SERPINI1: variants seen among roughly 807,000 people sequenced by gnomAD.
SERPINI1 encodes the protein neuroserpin.
Under a neutral mutation model 41.1 loss-of-function variants are expected in SERPINI1, and 19 were observed. That is an observed-to-expected ratio of 0.46 (90% CI 0.32 to 0.68). The LOEUF (loss-of-function observed/expected upper bound fraction) is 0.68. Among genes scored for constraint, SERPINI1 ranks in the 30% least tolerant of loss-of-function variants. SERPINI1 has a pLI of 0.03. For missense variants in SERPINI1, 460 were observed against 479.2 expected, an observed-to-expected ratio of 0.96 and a Z score of 0.37; for synonymous variants, 138 against 156.6, an observed-to-expected ratio of 0.88 and a Z score of 0.89.
chr3:167,740,862 C>A (rs1347758806), intron 1 of SERPINI1, among the ~76,000 whole-genome samples: 2 of 152,108 alleles, frequency 1.3e-5, no homozygotes, highest in Non-Finnish European at 2.9e-5. Flanking sequence ...TAATACCTCC[C>A]CTCCCCTACA....
chr3:167,785,850 T>C (rs1418831845), intron 1 of SERPINI1, among the ~76,000 whole-genome samples: 1 of 152,244 alleles, frequency 6.6e-6, no homozygotes, highest in Non-Finnish European at 1.5e-5. Context: ...TTCCAAATAG[T>C]TGTGTTATTG....
chr3:167,752,522 A>G (rs1211876781), intron 1 of SERPINI1, among the ~76,000 whole-genome samples: 2 of 151,824 alleles, frequency 1.3e-5, no homozygotes. Flanking sequence ...CCATAATCTA[A>G]CTATCCCTTT....
intron 1 of SERPINI1, among the ~76,000 whole-genome samples, chr3:167,767,724 A>G (rs1245500510): frequency 1.3e-5 from 2 of 152,086 alleles, no homozygotes; most frequent in African/African-American, 4.8e-5. Flanking sequence ...ATTGATTCCA[A>G]CCCTCATGGA....
intron 4 of SERPINI1, among the ~76,000 whole-genome samples, chr3:167,793,679 A>G (rs1411937163): frequency 6.6e-6 from 1 of 151,048 alleles, no homozygotes; most frequent in East Asian, 1.9e-4. Context: ...CTTGAGCCCA[A>G]GAGTTTGAGG....
intron 1 of SERPINI1, among the ~76,000 whole-genome samples, chr3:167,762,101 G>A (rs1726401558): frequency 6.6e-6 from 1 of 152,020 alleles, no homozygotes; most frequent in Non-Finnish European, 1.5e-5. Context: ...CAGAGAAAAG[G>A]GAAACCTTCA....
At position 167,793,838 on chromosome 3, in the gene SERPINI1, A is replaced by ATGTG. The variant is rs56401913; in HGVS notation, c.677-752_677-749dup. On this transcript the variant is annotated intron_variant, in intron 4 of 8. Transcript: ENST00000446050. ...TATATAGTTCATTTTGGCCATATGTATGTGTGTGTGTGTGTGTGTGTGTGT... is the reference window on the plus strand; with the variant it reads ...TATATAGTTCATTTTGGCCATATGTATGTGTGTGTGTGTGTGTGTGTGTGTGTGT... Among the ~76,000 whole-genome samples, 1,119 of 141,210 alleles carry ATGTG rather than the reference A, an allele frequency of 7.9e-3. 11 individuals carry two copies. Among genetic ancestry groups the ATGTG allele is most frequent in the South Asian group, 0.017 (73 of 4,370 alleles). 92.6% of individuals were successfully genotyped at this position (141,210 alleles called of 152,430 possible). A position where few individuals can be genotyped will look rare whatever the true frequency, so the allele number is the denominator to read the frequency against.
At chr3:167,806,504 C>T (rs138747895) in intron 5 of SERPINI1, among the ~76,000 whole-genome samples, 2 of 152,138 alleles carry the variant, frequency 1.3e-5, no homozygotes, top group African/African-American at 4.8e-5. Flanking sequence ...AAAAATTCTT[C>T]AGTGTAAAAG....
chr3:167,797,740 G>A (rs1022663585), intron 5 of SERPINI1, among the ~76,000 whole-genome samples: 2 of 148,946 alleles, frequency 1.3e-5, no homozygotes, highest in Admixed American at 6.7e-5. Context: ...CCTACCAAGC[G>A]TTTTTTTTTT....
At chr3:167,741,851 A>G (rs2108529094) in intron 1 of SERPINI1, among the ~76,000 whole-genome samples, 1 of 152,340 alleles carries the variant, frequency 6.6e-6, no homozygotes, top group African/African-American at 2.4e-5. Flanking sequence ...GACATACAAT[A>G]CCAGATGAAA....
chr3:167,821,196 A>G (rs7644866), intron 6 of SERPINI1, among the ~76,000 whole-genome samples: 43,307 of 152,060 alleles, frequency 0.28, 7,403 homozygotes, highest in African/African-American at 0.48. Context: ...ACCAAATGGC[A>G]GGACTGAAAG....
intron 1 of SERPINI1, among the ~76,000 whole-genome samples, chr3:167,775,976 A>T (rs60255303): frequency 0.065 from 9,879 of 152,214 alleles, 1,076 homozygotes; most frequent in African/African-American, 0.22. Context: ...AGCGAAAAAA[A>T]AATACTCTTT....
chr3:167,793,110 T>TC (rs1173464997), intron 4 of SERPINI1, among the ~76,000 whole-genome samples: 1 of 152,168 alleles, frequency 6.6e-6, no homozygotes, highest in Non-Finnish European at 1.5e-5. Context: ...AACCATATGT[T>TC]CCACGAAGCA....
At chr3:167,818,899 TA>T (rs1387576134) in intron 6 of SERPINI1, among the ~76,000 whole-genome samples, 3 of 152,222 alleles carry the variant, frequency 2.0e-5, no homozygotes, top group African/African-American at 7.2e-5. Context: ...GTTGGAATAT[TA>T]TGTGGTGTCT....
intron 1 of SERPINI1, among the ~76,000 whole-genome samples, chr3:167,737,091 A>AT (rs950008386): frequency 6.6e-6 from 1 of 151,670 alleles, no homozygotes; most frequent in African/African-American, 2.4e-5. Flanking sequence ...AGTTCTCGGG[A>AT]TTTTAAATTT....
At chr3:167,746,202 CAT>C (rs1003287110) in intron 1 of SERPINI1, among the ~76,000 whole-genome samples, 8 of 152,096 alleles carry the variant, frequency 5.3e-5, no homozygotes, top group Non-Finnish European at 8.8e-5. Context: ...ATATTTAACA[CAT>C]GATACCGAGG....
chr3:167,822,781 G>A (rs1470694335), intron 6 of SERPINI1, among the ~76,000 whole-genome samples: 1 of 151,820 alleles, frequency 6.6e-6, no homozygotes, highest in African/African-American at 2.4e-5. Flanking sequence ...AAACAGAAAA[G>A]AAAATTAGCA....
intron 1 of SERPINI1, among the ~76,000 whole-genome samples, chr3:167,772,883 TATATATATATACACACACACAC>T (rs1214584505): frequency 3.4e-4 from 24 of 70,948 alleles, no homozygotes; most frequent in African/African-American, 1.2e-3. Flanking sequence ...TATATATATA[TATATATATATACACACACACAC>T]ACACACACAC....
chr3:167,763,333 C>T (rs1014588310), intron 1 of SERPINI1, among the ~76,000 whole-genome samples: 1 of 151,654 alleles, frequency 6.6e-6, no homozygotes, highest in Non-Finnish European at 1.5e-5. Context: ...CTCATGCCAC[C>T]ACTGTCATAT....
chr3:167,737,272 CAGAT>C (rs1006129955), intron 1 of SERPINI1, among the ~76,000 whole-genome samples: 6 of 151,928 alleles, frequency 3.9e-5, no homozygotes, highest in Non-Finnish European at 8.8e-5. Context: ...AATATATAGA[CAGAT>C]AGATCATAGA....
Sources: gnomAD v4.1 joint callset for allele counts (sites outside exome capture counted in the v4.1 genomes callset) on GRCh38, gnomAD v4.1.1 for gene constraint, MANE v1.5 for transcripts, NCBI Gene and HGNC (gene_info 2026-07-23, HGNC 2026-07-21) for gene names.